Variants in AOX1 observed in about 807,000 individuals in gnomAD.
AOX1 encodes the protein aldehyde oxidase 1, also known as aldehyde oxidase.
In AOX1, 153 loss-of-function variants were observed where a neutral mutation model predicts 169.5. The observed-to-expected ratio is 0.90, with a 90% confidence interval of 0.79 to 1.03. The LOEUF (loss-of-function observed/expected upper bound fraction) is 1.03, where lower values mean the gene tolerates loss of function less well. AOX1 is among the 50% of genes least tolerant of loss of function. The probability of loss-of-function intolerance (pLI) is 0.00; values close to 1 mark genes in which losing one functional copy is unlikely to be tolerated. For synonymous variants in AOX1, 562 were observed against 581.9 expected, an observed-to-expected ratio of 0.97 and a Z score of 0.49; for missense variants, 1,656 against 1,663.9, an observed-to-expected ratio of 1.00 and a Z score of 0.08.
chr2:200,623,690 A>G (rs4035120), intron 18 of AOX1, among the ~76,000 whole-genome samples, 171 bp from the exon 19 acceptor site: 131,409 of 152,270 alleles, frequency 0.86, 56,777 homozygotes, highest in East Asian at 1. Context: ...AGTGCCTCGG[A>G]TCAGGAGGCC....
At chr2:200,661,297 T>A (rs2035816196) in intron 29 of AOX1, among the ~76,000 whole-genome samples, 1 of 152,232 alleles carries the variant, frequency 6.6e-6, no homozygotes, top group Non-Finnish European at 1.5e-5. Context: ...TTTCTGCAGA[T>A]GACTGAGTGA....
chr2:200,651,164 A>T lies in AOX1; in HGVS notation c.3038A>T (p.Lys1013Met), dbSNP rs2035574290. 1 of 1,614,076 alleles carries T rather than the reference A, an allele frequency of 6.2e-7. No individual in the cohort carries two copies. The highest frequency in any genetic ancestry group is 1.7e-5 in the Admixed American group (1 of 59,998). ...AAAGGACTGGCCATGGTCCCCCTGAAGTTTCCTGTTGGCCTTGGCTCACGT... is the reference window on the plus strand; with the variant it reads ...AAAGGACTGGCCATGGTCCCCCTGATGTTTCCTGTTGGCCTTGGCTCACGT... ...KKKGLAMVPL[K>M]FPVGLGSRAA... The change falls in exon 26 of 35, where the codon AAG (lysine) becomes ATG (methionine). Residue 1013 changes from lysine to methionine, a missense_variant. Coordinates refer to ENST00000374700, the MANE Select transcript of AOX1 (RefSeq NM_001159.4).
intron 1 of AOX1, among the ~76,000 whole-genome samples, chr2:200,591,819 G>T (rs2034178888): frequency 6.6e-6 from 1 of 152,130 alleles, no homozygotes; most frequent in African/African-American, 2.4e-5. Context: ...GGTACCAAGA[G>T]TGGAGGCAGG....
Position 200,668,804 on chromosome 2 carries a change from G to C in AOX1, c.3798+1G>C. ...CTCAAATACTCTTTATTCATCTAAG[G>C]TAAGTAATGTTCTATGGGTAAATAT... On this transcript the variant is annotated splice_donor_variant, in intron 33 of 34. Transcript: ENST00000374700. LOFTEE classifies it high-confidence loss of function. The C allele has an allele frequency of 6.2e-7, 1 of 1,613,350 alleles. No homozygotes were observed.
downstream of AOX1, among the ~76,000 whole-genome samples, chr2:200,679,766 T>C (rs571656938): frequency 1.4e-4 from 21 of 151,960 alleles, no homozygotes; most frequent in Non-Finnish European, 2.5e-4. Context: ...ATGATTCACA[T>C]CTATTATGGT....
chr2:200,652,445 T>C (rs1370738990), intron 26 of AOX1, among the ~76,000 whole-genome samples: 2 of 152,082 alleles, frequency 1.3e-5, no homozygotes, highest in African/African-American at 4.8e-5. Flanking sequence ...AAAAACGAGG[T>C]TATTACAAAA....
chr2:200,651,023 A>G lies in AOX1; in HGVS notation c.2897A>G (p.Gln966Arg). The G allele has an allele frequency of 6.2e-7, 1 of 1,614,224 alleles. No individual in the cohort carries two copies. The highest frequency in any genetic ancestry group is 8.5e-7 in the Non-Finnish European group (1 of 1,180,034). The stretch of plus-strand genomic sequence containing the variant: ...GAAATTGATCAAACACCCTACAAAC[A>G]AGAGATCAATGCCAAGAACCTAATC... ...YKEIDQTPYK[Q>R]EINAKNLIQC... is the part of the protein sequence containing the mutation. Residue 966 changes from glutamine to arginine, a missense_variant, in exon 26 of 35, where the codon CAA (glutamine) becomes CGA (arginine). Gln to Arg is a conservative substitution (Grantham distance 43, BLOSUM62 1). Coordinates refer to ENST00000374700, the MANE Select transcript of AOX1 (RefSeq NM_001159.4).
Position 200,641,169 on chromosome 2 carries a change from G to C in AOX1, c.2640G>C (p.Leu880Phe). ...MEHYSNAGAS[L>F]DESLFVIEMG... is the part of the protein sequence containing the mutation. ...ATTACAGCAATGCAGGCGCCTCCTT[G>C]GATGAATCATTATTCGTAAGTGTTT... is the stretch of plus-strand genomic sequence containing the variant. The change falls in exon 24 of 35, where the codon TTG (leucine) becomes TTC (phenylalanine). Residue 880 changes from leucine to phenylalanine, a missense_variant. Coordinates refer to ENST00000374700, the MANE Select transcript of AOX1 (RefSeq NM_001159.4). 6.2e-7 allele frequency: 1 copy of C among 1,610,742 alleles called. No homozygotes were observed. Among genetic ancestry groups the C allele is most frequent in the Non-Finnish European group, 8.5e-7 (1 of 1,177,132 alleles).
chr2:200,641,486 G>A (rs184581729), intron 24 of AOX1, among the ~76,000 whole-genome samples: 59 of 152,192 alleles, frequency 3.9e-4, no homozygotes, highest in Middle Eastern at 6.8e-3. Context: ...AGCTCTTTAT[G>A]GTGGGGACTA....
At chr2:200,592,978 A>T (rs2034206307) in intron 1 of AOX1, among the ~76,000 whole-genome samples, 168 bp from the exon 2 acceptor site, 1 of 152,206 alleles carries the variant, frequency 6.6e-6, no homozygotes, top group African/African-American at 2.4e-5. Flanking sequence ...AAGATTACAC[A>T]TAAGAGTGGT....
rs745890622 is a variant in AOX1 at position 200,612,630 on chromosome 2, C to T, written c.1285C>T (p.Arg429Ter). 26 of 1,613,578 alleles carry T rather than the reference C, an allele frequency of 1.6e-5. No homozygotes were observed. Among genetic ancestry groups the T allele is most frequent in the African/African-American group, 9.3e-5 (7 of 74,890 alleles). Residue 429 changes from arginine to a stop codon, truncating the protein, a stop_gained, in exon 14 of 35, where the codon CGA becomes TGA. Transcript: ENST00000374700. LOFTEE classifies it high-confidence loss of function. ...TCAGTGGGAATTTGTGTCAGCCTTC[C>T]GACAAGCCCAGCGACAGGAGAATGC... The part of the protein sequence containing the change: ...SRKWEFVSAF[R>*]QAQRQENALA...
chr2:200,680,864 A>G (rs1559267995), downstream of AOX1, among the ~76,000 whole-genome samples: 1 of 152,136 alleles, frequency 6.6e-6, no homozygotes, highest in Non-Finnish European at 1.5e-5. Context: ...AAGTTTTTAT[A>G]AGATTTTTAA....
intron 25 of AOX1, among the ~76,000 whole-genome samples, chr2:200,646,081 A>C (rs1287921754): frequency 1.3e-5 from 2 of 151,758 alleles, no homozygotes; most frequent in African/African-American, 4.8e-5. Flanking sequence ...TGATCTTGGT[A>C]ATTTCCTTTC....
At position 200,603,258 on chromosome 2, in the gene AOX1, G is replaced by A; in HGVS notation, c.499-9G>A. The A allele has an allele frequency of 1.2e-6, 2 of 1,610,746 alleles. No homozygotes were observed. The highest frequency in any genetic ancestry group is 1.1e-5 in the South Asian group (1 of 90,848). On this transcript the variant is annotated splice_polypyrimidine_tract_variant and intron_variant, in intron 6 of 34. Coordinates refer to ENST00000374700, the MANE Select transcript of AOX1 (RefSeq NM_001159.4). ...ATAAATTCCTAGTGATTTGTTTTTT[G>A]TCCACTAGACTTCGGGCTGCTGTCA...
downstream of AOX1, chr2:200,681,585 G>T (rs181371389): frequency 2.0e-5 from 3 of 152,590 alleles, no homozygotes; most frequent in African/African-American, 7.2e-5. Context: ...AGGCCAAAAG[G>T]CTCAAAAAAA....
intron 26 of AOX1, among the ~76,000 whole-genome samples, chr2:200,654,119 T>C (rs1434565310): frequency 6.9e-6 from 1 of 145,300 alleles, no homozygotes. Flanking sequence ...GAGTCACAAG[T>C]CTCACTTGAA....
chr2:200,660,164 G>C, intron 29 of AOX1, 95 bp downstream of exon 29: 1 of 1,051,130 alleles, frequency 9.5e-7, no homozygotes. Flanking sequence ...TGTAGAAAGG[G>C]CATTTGCAAA....
intron 30 of AOX1, among the ~76,000 whole-genome samples, chr2:200,662,624 A>G (rs1390372897): frequency 6.6e-6 from 1 of 152,238 alleles, no homozygotes; most frequent in Non-Finnish European, 1.5e-5. Flanking sequence ...AGGAGTAAGG[A>G]GGCACCAGTC....
chr2:200,587,100 C>G (rs1371905294), intron 1 of AOX1, among the ~76,000 whole-genome samples: 1 of 149,910 alleles, frequency 6.7e-6, no homozygotes, highest in South Asian at 2.1e-4. Flanking sequence ...AACCTTGTCT[C>G]TACAAAAAAA....
Sources: gnomAD v4.1 joint callset for allele counts (sites outside exome capture counted in the v4.1 genomes callset) on GRCh38, gnomAD v4.1.1 for gene constraint, MANE v1.5 for transcripts, NCBI Gene and HGNC (gene_info 2026-07-23, HGNC 2026-07-21) for gene names.